Variants in TRAPPC8 observed in about 807,000 individuals in gnomAD.
TRAPPC8 encodes the protein trafficking protein particle complex subunit 8, also known as general sporulation gene 1 homolog.
TRAPPC8 carries 54 observed loss-of-function variants against 174.3 expected under a neutral mutation model. That is an observed-to-expected ratio of 0.31 (90% CI 0.25 to 0.39). The LOEUF (loss-of-function observed/expected upper bound fraction) is 0.39. TRAPPC8 is among the 10% of genes least tolerant of loss of function. The pLI is 1.00. For synonymous variants in TRAPPC8, 630 were observed against 579.9 expected (o/e 1.09, Z -1.24); for missense variants, 1,531 against 1,699.1 (o/e 0.90, Z 1.74).
rs760741072 is a variant in TRAPPC8, at chr18:31,857,994, G to A, written c.2746-12C>T. On this transcript the variant is annotated splice_polypyrimidine_tract_variant and intron_variant, in intron 19 of 28. Coordinates refer to ENST00000283351, the MANE Select transcript of TRAPPC8 (RefSeq NM_014939.5). ...TGTATAAAGAACACCTGCATTGGAG[G>A]GAAAAAATATTATTATTTGTCTGTT... The A allele has an allele frequency of 6.4e-7, 1 of 1,552,138 alleles. No homozygotes were observed. The highest frequency in any genetic ancestry group is 8.7e-7 in the Non-Finnish European group (1 of 1,152,170).
chr18:31,845,792 G>A (rs12604640), intron 26 of TRAPPC8, among the ~76,000 whole-genome samples: 93,285 of 151,858 alleles, frequency 0.61, 29,082 homozygotes, highest in South Asian at 0.76. Flanking sequence ...AAAAAAAATA[G>A]TAATAATGGA....
chr18:31,917,662 T>C lies in TRAPPC8; in HGVS notation c.358A>G (p.Thr120Ala), dbSNP rs904103586. 1.9e-6 allele frequency: 3 copies of C among 1,611,358 alleles called. No individual in the cohort carries two copies. The highest frequency in any genetic ancestry group is 2.5e-6 in the Non-Finnish European group (3 of 1,178,962). Reference sequence around the variant, plus strand: ...TCTCTGTAAGACTCAAACCATGGAGTAGTGGCTAAAATTAACAATATACAA... The same window carrying C: ...TCTCTGTAAGACTCAAACCATGGAGCAGTGGCTAAAATTAACAATATACAA... ...GDYDLNISAT[T>A]PWFESYRETF... The change falls in exon 3 of 29, where the codon ACT (threonine) becomes GCT (alanine). Residue 120 changes from threonine to alanine, a missense_variant. By Grantham distance (58) the Thr-to-Ala change is moderately conservative. Transcript: ENST00000283351.
chr18:31,877,415 A>T (rs1438282663), intron 12 of TRAPPC8, among the ~76,000 whole-genome samples: 1 of 151,562 alleles, frequency 6.6e-6, no homozygotes, highest in Non-Finnish European at 1.5e-5. Context: ...GATCGAGACC[A>T]TCCTGGCTAA....
intron 26 of TRAPPC8, among the ~76,000 whole-genome samples, chr18:31,842,326 AT>A: frequency 6.6e-6 from 1 of 152,222 alleles, no homozygotes; most frequent in Non-Finnish European, 1.5e-5. Flanking sequence ...GATAAATATA[AT>A]TTGCTACCAA....
intron 12 of TRAPPC8, 122 bp from the exon 13 acceptor site, chr18:31,874,826 A>G: frequency 1.4e-6 from 1 of 733,122 alleles, no homozygotes; most frequent in Non-Finnish European, 2.2e-6. Flanking sequence ...GGGGACTGGG[A>G]TAATGAAGAA....
intron 1 of TRAPPC8, among the ~76,000 whole-genome samples, chr18:31,932,038 T>G (rs1048804183): frequency 1.3e-5 from 2 of 152,134 alleles, no homozygotes; most frequent in Admixed American, 6.6e-5. Context: ...GTGGAGGCTG[T>G]GCATGTGCAG....
At chr18:31,912,364 G>A (rs546785429) in intron 5 of TRAPPC8, among the ~76,000 whole-genome samples, 39 of 152,258 alleles carry the variant, frequency 2.6e-4, no homozygotes, top group Middle Eastern at 3.4e-3. Flanking sequence ...GGTGGTGTGC[G>A]CCTGTAGTCC....
In TRAPPC8 at chr18:31,942,912, A is replaced by T; in HGVS notation, c.-148T>A. On this transcript the variant is annotated 5_prime_UTR_variant, in exon 1 of 29. Transcript: ENST00000283351. ...CTGGAGCCTAGAAACAAGAAGGAAC[A>T]GACGCCGCCGCTTCGGTTTCTGGGG... The T allele has an allele frequency of 8.1e-7, 1 of 1,238,910 alleles. No individual in the cohort carries two copies. The highest frequency in any genetic ancestry group is 1.0e-6 in the Non-Finnish European group (1 of 991,344). The allele number at this position is 1,238,910 out of a possible 1,614,324, so 76.7% of individuals were successfully genotyped here. A position where few individuals can be genotyped will look rare whatever the true frequency, so the allele number is the denominator to read the frequency against.
intron 19 of TRAPPC8, among the ~76,000 whole-genome samples, chr18:31,858,667 T>A (rs770433019): frequency 1.3e-5 from 2 of 152,198 alleles, no homozygotes; most frequent in East Asian, 1.9e-4. Flanking sequence ...CTAAAAAAAA[T>A]TTTTAAATTG....
chr18:31,907,151 T>C (rs1455002703), intron 9 of TRAPPC8, among the ~76,000 whole-genome samples: 2 of 152,142 alleles, frequency 1.3e-5, no homozygotes, highest in Non-Finnish European at 2.9e-5. Flanking sequence ...AAATAAGTTT[T>C]TTCAATTTAT....
chr18:31,894,300 A>C (rs910248741), intron 11 of TRAPPC8, among the ~76,000 whole-genome samples: 38 of 152,226 alleles, frequency 2.5e-4, no homozygotes, highest in African/African-American at 9.2e-4. Flanking sequence ...TGCCCTGAAA[A>C]GAATGACAAC....
In TRAPPC8 at chr18:31,880,114, TATATA is replaced by T. The variant is rs1568082940; in HGVS notation, c.1729-5415_1729-5411del. 1.7e-3 allele frequency among the ~76,000 whole-genome samples: 145 copies of T among 84,042 alleles called. 2 individuals carry two copies. Among genetic ancestry groups the T allele is most frequent in the African/African-American group, 6.8e-3 (141 of 20,614 alleles). 55.1% of individuals were successfully genotyped at this position (84,042 alleles called of 152,430 possible). On this transcript the variant is annotated intron_variant, in intron 12 of 28. Transcript: ENST00000283351. ...AAATATATATATATATATATATATA[TATATA>T]TATTTTTTTTTTTTTAAGGAAGAAA...
At chr18:31,842,475 T>C (rs2033160220) in intron 26 of TRAPPC8, among the ~76,000 whole-genome samples, 1 of 152,220 alleles carries the variant, frequency 6.6e-6, no homozygotes, top group South Asian at 2.1e-4. Context: ...GCTGATCACC[T>C]GCACAATGAA....
At chr18:31,836,923 G>A (rs993497720) in intron 27 of TRAPPC8, among the ~76,000 whole-genome samples, 12 of 151,920 alleles carry the variant, frequency 7.9e-5, no homozygotes, top group East Asian at 3.9e-4. Context: ...CACCACACCC[G>A]GCTAATTTTT....
intron 26 of TRAPPC8, among the ~76,000 whole-genome samples, chr18:31,843,407 T>C (rs956795169): frequency 2.0e-5 from 3 of 152,180 alleles, no homozygotes; most frequent in East Asian, 3.8e-4. Context: ...CTAAAGGAAA[T>C]AGATTTTGTT....
At chr18:31,922,062 T>C (rs2037414248) in intron 2 of TRAPPC8, among the ~76,000 whole-genome samples, 1 of 152,214 alleles carries the variant, frequency 6.6e-6, no homozygotes, top group Non-Finnish European at 1.5e-5. Flanking sequence ...AGAGTAACTG[T>C]AATTAGATTT....
chr18:31,888,823 T>C (rs2035834777), intron 12 of TRAPPC8, among the ~76,000 whole-genome samples: 1 of 152,192 alleles, frequency 6.6e-6, no homozygotes, highest in Admixed American at 6.5e-5. Flanking sequence ...GCTTAATACC[T>C]AGGTGATGTG....
chr18:31,888,084 T>A (rs1466100509), intron 12 of TRAPPC8, among the ~76,000 whole-genome samples: 1 of 151,964 alleles, frequency 6.6e-6, no homozygotes, highest in Non-Finnish European at 1.5e-5. Flanking sequence ...AACCAAAAAG[T>A]AGGCAAAGAA....
At chr18:31,869,814 C>T (rs575700408) in intron 16 of TRAPPC8, among the ~76,000 whole-genome samples, 7 of 152,206 alleles carry the variant, frequency 4.6e-5, no homozygotes, top group South Asian at 2.1e-4. Flanking sequence ...GAAGGCCGGG[C>T]GCGGTGGCTC....
Sources: gnomAD v4.1 joint callset for allele counts (sites outside exome capture counted in the v4.1 genomes callset) on GRCh38, gnomAD v4.1.1 for gene constraint, MANE v1.5 for transcripts, NCBI Gene and HGNC (gene_info 2026-07-23, HGNC 2026-07-21) for gene names.